Variants in TMED10 observed in about 807,000 individuals in gnomAD.
TMED10 encodes transmembrane emp24 domain-containing protein 10.
In TMED10, 7 loss-of-function variants were observed where a neutral mutation model predicts 23.1. That is an observed-to-expected ratio of 0.30 (90% CI 0.17 to 0.57). The LOEUF is 0.57. Ranked by LOEUF, TMED10 falls within the 20% of genes least tolerant of loss-of-function variation. The pLI is 0.91. For synonymous variants in TMED10, 113 were observed against 106.9 expected (o/e 1.06, Z -0.35); for missense variants, 162 against 274.8 (o/e 0.59, Z 2.90).
At chr14:75,162,794 C>A (rs571801207) in intron 1 of TMED10, among the ~76,000 whole-genome samples, 1 of 151,844 alleles carries the variant, frequency 6.6e-6, no homozygotes, top group South Asian at 2.1e-4. Context: ...ATAAGTGAAT[C>A]ATGGTTTTGA....
intron 1 of TMED10, among the ~76,000 whole-genome samples, chr14:75,168,483 A>C (rs1323779864): frequency 6.6e-6 from 1 of 152,128 alleles, no homozygotes; most frequent in Admixed American, 6.6e-5. Context: ...TTTTCATTCA[A>C]TACAGAGGAA....
At chr14:75,147,767 T>A in intron 2 of TMED10, 30 bp from the exon 3 acceptor site, 1 of 1,613,280 alleles carries the variant, frequency 6.2e-7, no homozygotes, top group Non-Finnish European at 8.5e-7. Context: ...AATCATTGTG[T>A]GAAATACTTA....
chr14:75,166,192 ACT>A (rs1172341145), intron 1 of TMED10, among the ~76,000 whole-genome samples: 5 of 152,178 alleles, frequency 3.3e-5, no homozygotes, highest in African/African-American at 1.2e-4. Flanking sequence ...TTTCTTAACA[ACT>A]ATTCCCTTGA....
Position 75,135,007 on chromosome 14 carries a change from CTA to C in TMED10, c.539-3_539-2del, listed in dbSNP as rs1566667993. On this transcript the variant is annotated splice_acceptor_variant and splice_polypyrimidine_tract_variant and intron_variant, in intron 4 of 4. Coordinates refer to ENST00000303575, the MANE Select transcript of TMED10 (RefSeq NM_006827.6). LOFTEE classifies it high-confidence loss of function. ...TATAGGACCCGAGTGTTTGTTGACT[CTA>C]AAAAAAAACAAAAGCATTGTAAACA... 6.2e-7 allele frequency: 1 copy of C among 1,611,804 alleles called. No individual in the cohort carries two copies. Among genetic ancestry groups the C allele is most frequent in the East Asian group, 2.2e-5 (1 of 44,842 alleles).
intron 1 of TMED10, 196 bp downstream of exon 1, chr14:75,176,159 A>C (rs1340197624): frequency 1.6e-6 from 1 of 644,806 alleles, no homozygotes; most frequent in Non-Finnish European, 2.6e-6. Flanking sequence ...TGGGGTTCCC[A>C]GGCGTTGGTG....
Position 75,135,158 on chromosome 14 carries a change from C to G in TMED10, c.539-152G>C, listed in dbSNP as rs1895733300. 2.9e-6 allele frequency: 3 copies of G among 1,044,130 alleles called. No homozygotes were observed. The African/African-American group carries it at 4.8e-5, about 17-fold the overall frequency. 64.7% of individuals were successfully genotyped at this position (1,044,130 alleles called of 1,614,324 possible). A position where few individuals can be genotyped will look rare whatever the true frequency, so the allele number is the denominator to read the frequency against. ...TTCAGATAATTTTTCTTTTTAAGTT[C>G]ATTATCCTGGCTGGGCATGGTGTAA... On this transcript the variant is annotated intron_variant, in intron 4 of 4. Transcript: ENST00000303575.
At chr14:75,140,032 G>A (rs1594864776) in intron 3 of TMED10, among the ~76,000 whole-genome samples, 2 of 152,114 alleles carry the variant, frequency 1.3e-5, no homozygotes, top group African/African-American at 4.8e-5. Flanking sequence ...AAGTAATTCC[G>A]CCTTCCTCCA....
chr14:75,150,361 G>A (rs570827592), intron 2 of TMED10, among the ~76,000 whole-genome samples: 1 of 152,258 alleles, frequency 6.6e-6, no homozygotes, highest in South Asian at 2.1e-4. Context: ...TGAAAAAGTT[G>A]TGAAACTTAA....
chr14:75,161,142 A>T (rs1034543843), intron 1 of TMED10, among the ~76,000 whole-genome samples: 7 of 152,242 alleles, frequency 4.6e-5, no homozygotes, highest in African/African-American at 1.4e-4. Flanking sequence ...GAGAAGTGCG[A>T]AAACAGGTAA....
chr14:75,133,982 A>G lies in TMED10; in HGVS notation c.*903T>C, dbSNP rs1895717472. ...TTCAAGGGAATTATGCTGAATGAAAAAAGATCAGCCTCGTAAGATTACATT... is the reference window on the plus strand; with the variant it reads ...TTCAAGGGAATTATGCTGAATGAAAGAAGATCAGCCTCGTAAGATTACATT... On this transcript the variant is annotated 3_prime_UTR_variant, in exon 5 of 5. Transcript: ENST00000303575. The G allele has an allele frequency of 4.3e-6, 1 of 233,620 alleles. No homozygotes were observed. The highest frequency in any genetic ancestry group is 2.4e-5 in the African/African-American group (1 of 42,030). 14.5% of individuals were successfully genotyped at this position (233,620 alleles called of 1,614,324 possible).
chr14:75,137,843 G>A (rs1456011682), intron 3 of TMED10, among the ~76,000 whole-genome samples: 1 of 151,826 alleles, frequency 6.6e-6, no homozygotes, highest in East Asian at 1.9e-4. Flanking sequence ...TGAGTAGCTG[G>A]GATTACAGGT....
intron 1 of TMED10, among the ~76,000 whole-genome samples, chr14:75,161,867 C>T (rs1896089208): frequency 6.6e-6 from 1 of 150,840 alleles, no homozygotes; most frequent in African/African-American, 2.4e-5. Flanking sequence ...AAAAATAACA[C>T]TATCCACCCA....
intron 3 of TMED10, among the ~76,000 whole-genome samples, chr14:75,143,262 C>G (rs539438335): frequency 1.0e-3 from 155 of 152,210 alleles, no homozygotes; most frequent in African/African-American, 3.5e-3. Context: ...TTTGGAAAAG[C>G]TACAAGTTAC....
chr14:75,141,816 A>G (rs2139835176), intron 3 of TMED10, among the ~76,000 whole-genome samples: 1 of 152,342 alleles, frequency 6.6e-6, no homozygotes, highest in African/African-American at 2.4e-5. Context: ...CTTGACTAAT[A>G]AAGTTTGACT....
At chr14:75,144,866 C>A (rs1483914098) in intron 3 of TMED10, among the ~76,000 whole-genome samples, 1 of 152,188 alleles carries the variant, frequency 6.6e-6, no homozygotes, top group African/African-American at 2.4e-5. Flanking sequence ...GCCAGGTTGG[C>A]CAGGCTGGTC....
At position 75,132,398 on chromosome 14, in the gene TMED10, A is replaced by ACCCCC. The variant is rs1566667203; in HGVS notation, c.*2486_*2487insGGGGG. 1.9e-5 allele frequency: 1 copy of ACCCCC among 52,416 alleles called. No individual in the cohort carries two copies. The highest frequency in any genetic ancestry group is 4.3e-5 in the Non-Finnish European group (1 of 23,444). 3.2% of individuals were successfully genotyped at this position (52,416 alleles called of 1,614,324 possible). ...GCAAGACTCCGTCCCCCCCCCCCCA[A>ACCCCC]AAAAAAAAAAGTTTAAGGATGTATC... On this transcript the variant is annotated 3_prime_UTR_variant, in exon 5 of 5. Coordinates refer to ENST00000303575, the MANE Select transcript of TMED10 (RefSeq NM_006827.6).
chr14:75,147,820 A>G, intron 2 of TMED10, 83 bp from the exon 3 acceptor site: 4 of 808,284 alleles, frequency 4.9e-6, no homozygotes, highest in East Asian at 5.5e-5. Flanking sequence ...CCCTCCCTCT[A>G]CAGAACCCCT....
intron 1 of TMED10, among the ~76,000 whole-genome samples, chr14:75,165,589 T>G (rs554612243): frequency 1.3e-5 from 2 of 152,310 alleles, no homozygotes; most frequent in East Asian, 3.9e-4. Context: ...TCTGACGGCT[T>G]AGGTGCTACA....
intron 1 of TMED10, among the ~76,000 whole-genome samples, chr14:75,169,063 T>C (rs949267699): frequency 5.9e-5 from 9 of 152,108 alleles, no homozygotes; most frequent in African/African-American, 2.2e-4. Context: ...ATAAAGAGAA[T>C]GGAAGAGGGA....
Sources: gnomAD v4.1 joint callset for allele counts (sites outside exome capture counted in the v4.1 genomes callset) on GRCh38, gnomAD v4.1.1 for gene constraint, MANE v1.5 for transcripts, NCBI Gene and HGNC (gene_info 2026-07-23, HGNC 2026-07-21) for gene names.